TSHZ2: variants seen among roughly 807,000 people sequenced by gnomAD.
The protein encoded by TSHZ2 is teashirt zinc finger homeobox 2, also known as teashirt homolog 2.
In TSHZ2, 21 loss-of-function variants were observed where a neutral mutation model predicts 74.4. The observed-to-expected ratio is 0.28, with a 90% CI of 0.20 to 0.41. The LOEUF (loss-of-function observed/expected upper bound fraction) is 0.41, where lower values mean the gene tolerates loss of function less well. TSHZ2 is among the 10% of genes least tolerant of loss of function. TSHZ2 has a pLI of 1.00. For synonymous variants in TSHZ2, 540 were observed against 515.3 expected (o/e 1.05, Z -0.65); for missense variants, 1,244 against 1,293.5 (o/e 0.96, Z 0.59).
At chr20:53,073,529 A>G (rs376370320) in intron 1 of TSHZ2, among the ~76,000 whole-genome samples, 5 of 152,374 alleles carry the variant, frequency 3.3e-5, no homozygotes, top group South Asian at 2.1e-4. Flanking sequence ...AGGTTAGAGT[A>G]ATTTCTAGAT....
At chr20:53,361,811 T>C (rs1049261662) in intron 2 of TSHZ2, among the ~76,000 whole-genome samples, 1 of 152,242 alleles carries the variant, frequency 6.6e-6, no homozygotes, top group African/African-American at 2.4e-5. Context: ...TAGACATTCA[T>C]GCAGGTGAAA....
chr20:53,471,798 CTTTTCTTTTTTTTT>C (rs1985810982), intron 2 of TSHZ2, among the ~76,000 whole-genome samples: 1 of 112,372 alleles, frequency 8.9e-6, no homozygotes, highest in African/African-American at 3.4e-5. Context: ...AGACACTTTT[CTTTTCTTTTTTTTT>C]TTTTTTTTTT....
In TSHZ2 at chr20:53,368,015, C is replaced by T. The variant is rs187341174; in HGVS notation, c.*8+111444C>T. ...AGTAATTTCTGCACACTTGTTTATA[C>T]GTGACGTAGCGCCGATTTCACAGCT... On this transcript the variant is annotated intron_variant, in intron 2 of 2. Transcript: ENST00000371497. 1.3e-4 allele frequency among the ~76,000 whole-genome samples: 20 copies of T among 152,184 alleles called. No homozygotes were observed. In the South Asian group the frequency reaches 3.5e-3, roughly 27 times the overall value.
intron 1 of TSHZ2, among the ~76,000 whole-genome samples, chr20:52,992,132 A>G (rs552961643): frequency 6.6e-6 from 1 of 152,246 alleles, no homozygotes; most frequent in Admixed American, 6.5e-5. Context: ...TGTAATGTCT[A>G]TTTCCTGGCC....
At chr20:53,264,567 G>C (rs1990669926) in intron 2 of TSHZ2, among the ~76,000 whole-genome samples, 1 of 152,174 alleles carries the variant, frequency 6.6e-6, no homozygotes, top group African/African-American at 2.4e-5. Flanking sequence ...CAGCCCAAAG[G>C]ATGCATGTCC....
chr20:53,309,342 A>AT (rs1159927125), intron 2 of TSHZ2, among the ~76,000 whole-genome samples: 3 of 152,060 alleles, frequency 2.0e-5, no homozygotes, highest in Non-Finnish European at 4.4e-5. Flanking sequence ...CTGCCCTCCC[A>AT]CCCCACTTCT....
chr20:53,402,640 A>G (rs1017563751), intron 2 of TSHZ2, among the ~76,000 whole-genome samples: 1 of 152,220 alleles, frequency 6.6e-6, no homozygotes, highest in South Asian at 2.1e-4. Context: ...GTTAGTTTCA[A>G]TGGGGTAACC....
intron 2 of TSHZ2, among the ~76,000 whole-genome samples, chr20:53,282,782 A>G (rs1037086762): frequency 2.6e-5 from 4 of 152,200 alleles, no homozygotes; most frequent in Non-Finnish European, 4.4e-5. Context: ...TGCTCTTTGT[A>G]TAAGGAGGTG....
intron 1 of TSHZ2, among the ~76,000 whole-genome samples, chr20:53,108,548 G>A (rs1287840182): frequency 1.3e-5 from 2 of 152,322 alleles, no homozygotes; most frequent in East Asian, 1.9e-4. Context: ...CATGAGTGCA[G>A]ACTGTGACTT....
At chr20:53,437,756 A>G (rs372894188) in intron 2 of TSHZ2, among the ~76,000 whole-genome samples, 3 of 152,206 alleles carry the variant, frequency 2.0e-5, no homozygotes, top group African/African-American at 7.2e-5. Context: ...TGAATGGCTC[A>G]GTGTCCTCCC....
Position 53,254,565 on chromosome 20 carries a change from C to T in TSHZ2, c.1107C>T (p.Thr369=). Residue 369 remains threonine (T), a synonymous_variant, in exon 2 of 3, where the codon ACC becomes ACT. Coordinates refer to ENST00000371497, the MANE Select transcript of TSHZ2 (RefSeq NM_173485.6). ...GCTACCAAAATGGAGCCAGCTACAC[C>T]TGGCAGTTTGAGGCCTGCAAGTCCC... The part of the protein sequence containing the change: ...RYGYQNGASY[T]WQFEACKSQI... 3 of 1,613,080 alleles carry T rather than the reference C, an allele frequency of 1.9e-6. No homozygotes were observed. Among genetic ancestry groups the T allele is most frequent in the Non-Finnish European group, 1.7e-6 (2 of 1,179,104 alleles).
At chr20:53,001,431 A>G (rs1982438693) in intron 1 of TSHZ2, among the ~76,000 whole-genome samples, 1 of 152,184 alleles carries the variant, frequency 6.6e-6, no homozygotes, top group South Asian at 2.1e-4. Flanking sequence ...GAAAGGATTC[A>G]TGACCTGTTT....
At chr20:53,190,619 G>GT (rs1988716325) in intron 1 of TSHZ2, among the ~76,000 whole-genome samples, 1 of 152,202 alleles carries the variant, frequency 6.6e-6, no homozygotes, top group Non-Finnish European at 1.5e-5. Context: ...GCAGCTTGTT[G>GT]TAAGGCAAGA....
chr20:53,255,905 T>TCCC lies in TSHZ2; in HGVS notation c.2452_2454dup (p.Pro818dup). ...CCAAAGCCAGCCTCCTCCTCCAGGG[T>TCCC]CCCCCCCATGAAGCTGGAAATGGAT... On this transcript the variant is annotated inframe_insertion, in exon 2 of 3. Transcript: ENST00000371497. This position sits in a 1 kb window ranked among gnomAD's most constrained non-coding sequence, Gnocchi z 4.1. The TCCC allele has an allele frequency of 1.2e-6, 2 of 1,612,752 alleles. No individual in the cohort carries two copies. The highest frequency in any genetic ancestry group is 2.2e-5 in the South Asian group (2 of 90,956).
At chr20:53,190,129 A>G (rs1447251413) in intron 1 of TSHZ2, among the ~76,000 whole-genome samples, 1 of 87,858 alleles carries the variant, frequency 1.1e-5, no homozygotes, top group Admixed American at 1.3e-4. Context: ...ATATATATAT[A>G]TATATATATT....
intron 2 of TSHZ2, among the ~76,000 whole-genome samples, chr20:53,428,610 C>T (rs1983734734): frequency 6.6e-6 from 1 of 152,068 alleles, no homozygotes; most frequent in African/African-American, 2.4e-5. Context: ...ATTGGCATTA[C>T]ACTTTAATTT....
intron 2 of TSHZ2, among the ~76,000 whole-genome samples, chr20:53,287,604 G>A (rs970469343): frequency 6.6e-6 from 1 of 152,196 alleles, no homozygotes; most frequent in Admixed American, 6.5e-5. Flanking sequence ...TTGCTTGACT[G>A]TCTAAGAGGT....
At chr20:53,111,501 A>G (rs933647661) in intron 1 of TSHZ2, among the ~76,000 whole-genome samples, 1 of 152,186 alleles carries the variant, frequency 6.6e-6, no homozygotes, top group Non-Finnish European at 1.5e-5. Context: ...CATGACAGAG[A>G]GAAAGAAGAT....
At chr20:53,298,986 T>C (rs995763098) in intron 2 of TSHZ2, among the ~76,000 whole-genome samples, 3 of 152,182 alleles carry the variant, frequency 2.0e-5, no homozygotes, top group Non-Finnish European at 4.4e-5. Context: ...TTGGAGCTTA[T>C]AGATGAGACT....
Sources: allele counts gnomAD v4.1 joint callset (sites outside exome capture counted in the v4.1 genomes callset), GRCh38; gene constraint gnomAD v4.1.1; non-coding constraint Gnocchi (gnomAD v3.1); transcripts MANE v1.5; gene names NCBI Gene and HGNC (gene_info 2026-07-23, HGNC 2026-07-21).